NRXN1: variants seen among roughly 807,000 people sequenced by gnomAD.
NRXN1 encodes neurexin 1, also known as neurexin-1.
A neutral mutation model predicts 150.9 loss-of-function variants in NRXN1; 39 were observed. That is an observed-to-expected ratio of 0.26 (90% CI 0.20 to 0.34). NRXN1 has a LOEUF of 0.34. Among genes scored for constraint, NRXN1 ranks in the 10% least tolerant of loss-of-function variants. The pLI is 1.00. For missense variants in NRXN1, 1,815 were observed against 1,949.9 expected (o/e 0.93, Z 1.30); for synonymous variants, 924 against 757.0 (o/e 1.22, Z -3.62).
At chr2:50,584,216 G>T (rs184787142) in intron 8 of NRXN1, among the ~76,000 whole-genome samples, 18 of 152,200 alleles carry the variant, frequency 1.2e-4, no homozygotes, top group African/African-American at 2.9e-4. Context: ...AAGGTATGTT[G>T]CCCTAAGAAA....
chr2:50,476,976 T>A (rs555138519), intron 15 of NRXN1, among the ~76,000 whole-genome samples: 9 of 152,218 alleles, frequency 5.9e-5, no homozygotes, highest in African/African-American at 2.2e-4. Context: ...ATAACAGGTT[T>A]TTGTGGACTG....
At chr2:50,132,916 T>C (rs1705757145) in intron 18 of NRXN1, among the ~76,000 whole-genome samples, 1 of 150,960 alleles carries the variant, frequency 6.6e-6, no homozygotes, top group Non-Finnish European at 1.5e-5. Flanking sequence ...ATCTTAGTAA[T>C]TAAGTCATAA....
chr2:50,371,831 T>G (rs1420904566), intron 17 of NRXN1, among the ~76,000 whole-genome samples: 1 of 151,996 alleles, frequency 6.6e-6, no homozygotes, highest in Admixed American at 6.6e-5. Flanking sequence ...AATCCAAGCT[T>G]ACAGCCAATA....
chr2:51,001,867 A>G (rs752115369), intron 2 of NRXN1, among the ~76,000 whole-genome samples: 62 of 151,942 alleles, frequency 4.1e-4, no homozygotes, highest in Non-Finnish European at 5.0e-4. Flanking sequence ...AAAACATAGG[A>G]AAGATTTTCT....
chr2:50,928,577 G>C (rs1217775539), intron 2 of NRXN1, among the ~76,000 whole-genome samples: 1 of 151,718 alleles, frequency 6.6e-6, no homozygotes, highest in Non-Finnish European at 1.5e-5. Flanking sequence ...TAAATGTCGA[G>C]TCAAAAAAGA....
intron 5 of NRXN1, among the ~76,000 whole-genome samples, chr2:50,884,370 G>A (rs1199352900): frequency 4.0e-5 from 6 of 151,594 alleles, no homozygotes; most frequent in Non-Finnish European, 7.4e-5. Context: ...CATATTAACA[G>A]TACCTAAATG....
At chr2:50,808,233 A>G (rs1486556470) in intron 5 of NRXN1, among the ~76,000 whole-genome samples, 1 of 152,150 alleles carries the variant, frequency 6.6e-6, no homozygotes, top group Non-Finnish European at 1.5e-5. Flanking sequence ...GACTGTAACC[A>G]ATTTGACATC....
chr2:51,002,271 A>T (rs1203249397), intron 2 of NRXN1, among the ~76,000 whole-genome samples: 5 of 151,980 alleles, frequency 3.3e-5, no homozygotes, highest in African/African-American at 1.2e-4. Flanking sequence ...CCTCCTATAA[A>T]GATATTTCCT....
chr2:50,314,724 T>A (rs2075453233), intron 17 of NRXN1, among the ~76,000 whole-genome samples: 1 of 151,984 alleles, frequency 6.6e-6, no homozygotes, highest in Non-Finnish European at 1.5e-5. Context: ...AGAGTAAGAA[T>A]AAAAGGTTCT....
At chr2:50,676,798 G>A (rs1689613209) in intron 5 of NRXN1, among the ~76,000 whole-genome samples, 1 of 152,118 alleles carries the variant, frequency 6.6e-6, no homozygotes, top group African/African-American at 2.4e-5. Context: ...TAAGCTTTCT[G>A]AAGTAAAGAG....
At chr2:50,099,365 CT>C (rs60580965) in intron 18 of NRXN1, among the ~76,000 whole-genome samples, 11 of 151,484 alleles carry the variant, frequency 7.3e-5, no homozygotes, top group South Asian at 6.2e-4. Flanking sequence ...CATCAATTTT[CT>C]TTTTTTTAAT....
At chr2:50,158,459 T>C (rs961349022) in intron 18 of NRXN1, among the ~76,000 whole-genome samples, 2 of 152,054 alleles carry the variant, frequency 1.3e-5, no homozygotes, top group Non-Finnish European at 1.5e-5. Flanking sequence ...AACAGAGTGA[T>C]GTCTAACACA....
chr2:50,596,195 T>G (rs1257418479), intron 8 of NRXN1, among the ~76,000 whole-genome samples: 1 of 152,224 alleles, frequency 6.6e-6, no homozygotes, highest in African/African-American at 2.4e-5. Context: ...TGCTTCTTTC[T>G]CTTCTTCACC....
intron 5 of NRXN1, among the ~76,000 whole-genome samples, chr2:50,684,215 C>T (rs1305455656): frequency 6.6e-6 from 1 of 152,056 alleles, no homozygotes; most frequent in East Asian, 1.9e-4. Context: ...TTATTAACAT[C>T]TTAGAGCCAG....
chr2:50,567,112 T>C (rs186101454), intron 8 of NRXN1, among the ~76,000 whole-genome samples: 365 of 152,308 alleles, frequency 2.4e-3, no homozygotes, highest in African/African-American at 8.5e-3. Context: ...GTCACACTTG[T>C]TTTGTGCTCA....
intron 19 of NRXN1, among the ~76,000 whole-genome samples, chr2:50,080,922 T>C (rs1340985098): frequency 6.6e-6 from 1 of 152,190 alleles, no homozygotes; most frequent in Non-Finnish European, 1.5e-5. Context: ...GACTTTATTT[T>C]TTCCTCTAAT....
intron 17 of NRXN1, among the ~76,000 whole-genome samples, chr2:50,297,742 T>A (rs1000219091): frequency 3.3e-5 from 5 of 152,168 alleles, no homozygotes; most frequent in Non-Finnish European, 5.9e-5. Context: ...TAAAGTGTAA[T>A]GACCATACAG....
At chr2:50,092,604 T>C (rs72874683) in intron 18 of NRXN1, among the ~76,000 whole-genome samples, 37,565 of 152,116 alleles carry the variant, frequency 0.25, 5,060 homozygotes, top group Admixed American at 0.39. Context: ...TTGGGCCACA[T>C]TCTCTTGACT....
chr2:50,524,852 A>C (rs1324043072), intron 12 of NRXN1, among the ~76,000 whole-genome samples: 1 of 152,176 alleles, frequency 6.6e-6, no homozygotes, highest in African/African-American at 2.4e-5. Flanking sequence ...GTACATCACA[A>C]AAAAGGCCAA....
Sources: allele counts gnomAD v4.1 joint callset (sites outside exome capture counted in the v4.1 genomes callset), GRCh38; gene constraint gnomAD v4.1.1; transcripts MANE v1.5; gene names NCBI Gene and HGNC (gene_info 2026-07-23, HGNC 2026-07-21).